IL17RA: variants seen among roughly 807,000 people sequenced by gnomAD.
IL17RA encodes the protein interleukin 17 receptor A.
IL17RA carries 34 observed loss-of-function variants against 50.4 expected under a neutral mutation model. The ratio of observed to expected loss-of-function variants is 0.67; its 90% CI spans 0.51 to 0.90. The LOEUF (loss-of-function observed/expected upper bound fraction) is 0.90. Among genes scored for constraint, IL17RA ranks in the 40% least tolerant of loss-of-function variants. IL17RA has a pLI of 0.00. For synonymous variants in IL17RA, 585 were observed against 510.4 expected (o/e 1.15, Z -1.97); for missense variants, 1,276 against 1,169.8 (o/e 1.09, Z -1.32).
rs1378724878 is a variant in IL17RA at position 17,108,273 on chromosome 22, G to A, written c.1088-34G>A. 3 of 1,609,904 alleles carry A rather than the reference G, an allele frequency of 1.9e-6. No homozygotes were observed. The African/African-American group carries it at 4.0e-5, about 22-fold the overall frequency. ...GCACAGAGCTGCCCTGGGCCCTGGG[G>A]TGAGGGTCAGCATGTGTGGTCTTGT... On this transcript the variant is annotated intron_variant, in intron 12 of 12. Transcript: ENST00000319363.
intron 4 of IL17RA, among the ~76,000 whole-genome samples, chr22:17,099,758 A>G (rs1169971188): frequency 6.6e-6 from 1 of 152,164 alleles, no homozygotes; most frequent in African/African-American, 2.4e-5. Flanking sequence ...CCACCAGGGT[A>G]ACTAGAATGG....
intron 2 of IL17RA, chr22:17,097,484 C>T (rs1484340688): frequency 3.8e-6 from 2 of 530,590 alleles, no homozygotes; most frequent in Non-Finnish European, 6.8e-6. Flanking sequence ...TGACATATAA[C>T]AATAAAGCAG....
At chr22:17,091,633 G>T (rs1216396884) in intron 1 of IL17RA, among the ~76,000 whole-genome samples, 1 of 151,464 alleles carries the variant, frequency 6.6e-6, no homozygotes, top group African/African-American at 2.4e-5. Context: ...AGCTGAGATC[G>T]CACCACTGCA....
At chr22:17,098,919 C>A in intron 4 of IL17RA, 32 bp downstream of exon 4, 2 of 1,517,906 alleles carry the variant, frequency 1.3e-6, no homozygotes, top group Non-Finnish European at 1.8e-6. Context: ...GGATTATGTT[C>A]CACTGATGAC....
rs1462952056 is a variant in IL17RA at position 17,109,726 on chromosome 22, T to C, written c.2507T>C (p.Leu836Pro). 1 of 1,578,184 alleles carries C rather than the reference T, an allele frequency of 6.3e-7. No individual in the cohort carries two copies. Among genetic ancestry groups the C allele is most frequent in the Non-Finnish European group, 8.6e-7 (1 of 1,162,732 alleles). Reference protein sequence around the residue: ...LPLSPEDLESLRSLQRQLLFR... With the variant: ...LPLSPEDLESPRSLQRQLLFR... ...CTCTCTCCCGAGGACCTGGAGAGCC[T>C]GAGGAGCCTCCAGCGGCAGCTGCTT... Residue 836 changes from leucine to proline, a missense_variant, in exon 13 of 13, where the codon CTG becomes CCG. Leu to Pro is a moderately conservative substitution (Grantham distance 98). Transcript: ENST00000319363.
At position 17,102,129 on chromosome 22, in the gene IL17RA, A is replaced by G; in HGVS notation, c.599-10A>G. On this transcript the variant is annotated splice_polypyrimidine_tract_variant and intron_variant, in intron 6 of 12. Transcript: ENST00000319363. ...TCCTCACTCCCAGCCTGCGTGTGTG[A>G]CCTTGGCAGGCAGCCTGTGGGACCC... 1 of 1,614,040 alleles carries G rather than the reference A, an allele frequency of 6.2e-7. No individual in the cohort carries two copies. Among genetic ancestry groups the G allele is most frequent in the South Asian group, 1.1e-5 (1 of 91,070 alleles).
intron 1 of IL17RA, among the ~76,000 whole-genome samples, chr22:17,094,681 C>CTATA (rs1486580530): frequency 4.1e-5 from 2 of 48,200 alleles, no homozygotes; most frequent in South Asian, 5.8e-4. Context: ...CTCTCTCTCT[C>CTATA]TCTCTCTCTC....
In IL17RA at chr22:17,110,610, C is replaced by G. The variant is rs1411362682; in HGVS notation, c.*790C>G. On this transcript the variant is annotated 3_prime_UTR_variant, in exon 13 of 13. Coordinates refer to ENST00000319363, the MANE Select transcript of IL17RA (RefSeq NM_014339.7). ...TTGGGAAGGCGAGGCAGGTGGATTG[C>G]TTGAGCTCAGGAGTTCAAGACCAGC... is the stretch of plus-strand genomic sequence containing the variant. 6.6e-6 allele frequency: 1 copy of G among 151,890 alleles called. No homozygotes were observed. Among genetic ancestry groups the G allele is most frequent in the African/African-American group, 2.4e-5 (1 of 40,910 alleles). The allele number at this position is 151,890 out of a possible 1,614,324, so 9.4% of individuals were successfully genotyped here.
At chr22:17,103,241 G>A (rs2061398149) in intron 7 of IL17RA, among the ~76,000 whole-genome samples, 1 of 152,232 alleles carries the variant, frequency 6.6e-6, no homozygotes, top group African/African-American at 2.4e-5. Flanking sequence ...ACACAGATTT[G>A]TTGCCCCAAT....
intron 8 of IL17RA, 120 bp downstream of exon 8, chr22:17,103,697 A>AGTCTGGCATTCTTGCT: frequency 1.2e-6 from 1 of 800,756 alleles, no homozygotes. Flanking sequence ...GAGTGTGCAC[A>AGTCTGGCATTCTTGCT]GGTGGAGAGA....
At chr22:17,104,356 AGT>A (rs1236298107) in intron 8 of IL17RA, among the ~76,000 whole-genome samples, 22 of 92,690 alleles carry the variant, frequency 2.4e-4, no homozygotes, top group African/African-American at 8.7e-4. Flanking sequence ...AGGTGGAGAG[AGT>A]GGTGTGGCTG....
intron 4 of IL17RA, 62 bp downstream of exon 4, chr22:17,098,949 C>A: frequency 1.5e-6 from 2 of 1,368,866 alleles, no homozygotes; most frequent in Non-Finnish European, 2.1e-6. Flanking sequence ...GACTTCTTGT[C>A]CCCAAATTCA....
intron 1 of IL17RA, among the ~76,000 whole-genome samples, chr22:17,096,802 G>A (rs1477900613): frequency 2.0e-5 from 3 of 151,548 alleles, no homozygotes; most frequent in East Asian, 2.0e-4. Flanking sequence ...CCCGGGAGGC[G>A]GAGCTTGCAG....
Position 17,110,070 on chromosome 22 carries a change from G to A in IL17RA, c.*250G>A. 1.8e-6 allele frequency: 1 copy of A among 556,440 alleles called. No individual in the cohort carries two copies. Among genetic ancestry groups the A allele is most frequent in the Admixed American group, 3.1e-5 (1 of 32,024 alleles). The allele number at this position is 556,440 out of a possible 1,614,324, so 34.5% of individuals were successfully genotyped here. ...GGAGCTAATGGTAGAGCGTCCTTGAGGCTCCATTATTCGTTCATTCAGCAT... is the reference window on the plus strand; with the variant it reads ...GGAGCTAATGGTAGAGCGTCCTTGAAGCTCCATTATTCGTTCATTCAGCAT... On this transcript the variant is annotated 3_prime_UTR_variant, in exon 13 of 13. Coordinates refer to ENST00000319363, the MANE Select transcript of IL17RA (RefSeq NM_014339.7).
intron 9 of IL17RA, 147 bp downstream of exon 9, chr22:17,104,957 A>T: frequency 1.3e-6 from 1 of 773,950 alleles, no homozygotes; most frequent in Middle Eastern, 2.2e-4. Context: ...TGAAGTGTGG[A>T]GTGGGGCTTT....
At position 17,085,097 on chromosome 22, in the gene IL17RA, G is replaced by T; in HGVS notation, c.6G>T (p.Gly2=). ...TCCGCGACGCCAGCCGGGCCATGGG[G>T]GCCGCACGCAGCCCGCCGTCCGCTG... is the stretch of plus-strand genomic sequence containing the variant. M[G]AARSPPSAVP... is the part of the protein sequence containing the mutation. Residue 2 remains glycine (G), a synonymous_variant, in exon 1 of 13, where the codon GGG becomes GGT. Coordinates refer to ENST00000319363, the MANE Select transcript of IL17RA (RefSeq NM_014339.7). 7.4e-7 allele frequency: 1 copy of T among 1,356,502 alleles called. No individual in the cohort carries two copies. Among genetic ancestry groups the T allele is most frequent in the Non-Finnish European group, 9.5e-7 (1 of 1,055,614 alleles). The allele number at this position is 1,356,502 out of a possible 1,614,324, so 84.0% of individuals were successfully genotyped here.
At chr22:17,101,599 CT>C (rs2061391584) in intron 5 of IL17RA, among the ~76,000 whole-genome samples, 1 of 152,202 alleles carries the variant, frequency 6.6e-6, no homozygotes, top group African/African-American at 2.4e-5. Context: ...TCAGTTCTCG[CT>C]TCTGTTCCTA....
At position 17,109,742 on chromosome 22, in the gene IL17RA, G is replaced by A. The variant is rs763026753; in HGVS notation, c.2523G>A (p.Arg841=). The change falls in exon 13 of 13, where the codon CGG becomes CGA. Residue 841 remains arginine (R), a synonymous_variant. Transcript: ENST00000319363. ...EDLESLRSLQ[R]QLLFRQLQKN... is the part of the protein sequence containing the mutation. ...TGGAGAGCCTGAGGAGCCTCCAGCG[G>A]CAGCTGCTTTTCCGCCAGCTGCAGA... 6.4e-7 allele frequency: 1 copy of A among 1,564,258 alleles called. No homozygotes were observed. The highest frequency in any genetic ancestry group is 1.4e-5 in the African/African-American group (1 of 73,898).
chr22:17,115,539 G>A lies in IL17RA; in HGVS notation c.*5719G>A, dbSNP rs2061464396. On this transcript the variant is annotated 3_prime_UTR_variant, in exon 13 of 13. Transcript: ENST00000319363. ...GCACAGCCAGAAGCAGCAAGCTAGG[G>A]TCACAACACAGAGAGGGGCTGTGTA... 1.3e-5 allele frequency: 2 copies of A among 151,916 alleles called. No homozygotes were observed. The highest frequency in any genetic ancestry group is 4.1e-4 in the South Asian group (2 of 4,830). The allele number at this position is 151,916 out of a possible 1,614,324, so 9.4% of individuals were successfully genotyped here. A position where few individuals can be genotyped will look rare whatever the true frequency, so the allele number is the denominator to read the frequency against.
Sources: gnomAD v4.1 joint callset for allele counts (sites outside exome capture counted in the v4.1 genomes callset) on GRCh38, gnomAD v4.1.1 for gene constraint, MANE v1.5 for transcripts, NCBI Gene and HGNC (gene_info 2026-07-23, HGNC 2026-07-21) for gene names.